The following ADGRL3 variants were observed in gnomAD, a reference collection of about 807,000 sequenced individuals.
The protein encoded by ADGRL3 is adhesion G protein-coupled receptor L3.
ADGRL3 carries 62 observed loss-of-function variants against 153.5 expected under a neutral mutation model. The observed-to-expected ratio is 0.40, with a 90% CI of 0.33 to 0.50. The LOEUF (loss-of-function observed/expected upper bound fraction) is 0.50. ADGRL3 is among the 20% of genes least tolerant of loss of function. ADGRL3 has a pLI of 0.47. For synonymous variants in ADGRL3, 710 were observed against 672.5 expected (o/e 1.06, Z -0.86); for missense variants, 1,641 against 1,859.4 (o/e 0.88, Z 2.16).
chr4:61,382,234 A>G (rs1055737158), intron 1 of ADGRL3, among the ~76,000 whole-genome samples: 2 of 151,492 alleles, frequency 1.3e-5, no homozygotes, highest in African/African-American at 4.8e-5. Context: ...ACTAACACTA[A>G]TAGCATAAAT....
intron 1 of ADGRL3, among the ~76,000 whole-genome samples, chr4:61,206,055 C>T (rs576206943): frequency 3.9e-4 from 59 of 152,216 alleles, no homozygotes; most frequent in African/African-American, 1.2e-3. Flanking sequence ...ATTAATTGAA[C>T]TTCTTTATTT....
At chr4:61,334,040 C>T (rs1408484112) in intron 1 of ADGRL3, among the ~76,000 whole-genome samples, 1 of 151,804 alleles carries the variant, frequency 6.6e-6, no homozygotes, top group Non-Finnish European at 1.5e-5. Context: ...CTTAGCCCCT[C>T]CAAATAGCTG....
chr4:61,301,978 G>A (rs895894828), intron 1 of ADGRL3, among the ~76,000 whole-genome samples: 2 of 152,268 alleles, frequency 1.3e-5, no homozygotes, highest in East Asian at 3.9e-4. Context: ...CTAGAAATCA[G>A]TTCGAAGGGA....
At chr4:61,774,378 AAAAG>A (rs1164628060) in intron 8 of ADGRL3, among the ~76,000 whole-genome samples, 5 of 151,474 alleles carry the variant, frequency 3.3e-5, no homozygotes, top group African/African-American at 7.3e-5. Context: ...AAAAGAAAGA[AAAAG>A]AAAAAATTCA....
In ADGRL3 at chr4:61,737,700, A is replaced by G. The variant is rs553685376; in HGVS notation, c.1399+4146A>G. Among the ~76,000 whole-genome samples the G allele has an allele frequency of 2.2e-3, 338 of 152,220 alleles. 1 individual carries two copies. The highest frequency in any genetic ancestry group is 7.7e-3 in the African/African-American group (319 of 41,526). On this transcript the variant is annotated intron_variant, in intron 8 of 26. Transcript: ENST00000683033. ...GGACCATTTTTATCCACATTTTCTA[A>G]ATGAAGGCCCTTTTAAAGCACTGCA...
intron 5 of ADGRL3, among the ~76,000 whole-genome samples, chr4:61,607,391 G>T (rs557246760): frequency 6.6e-6 from 1 of 152,308 alleles, no homozygotes; most frequent in South Asian, 2.1e-4. Flanking sequence ...GAGGTCAGGA[G>T]TTCAAGACCA....
intron 25 of ADGRL3, among the ~76,000 whole-genome samples, chr4:62,049,137 T>C (rs1395625263): frequency 6.6e-6 from 1 of 152,136 alleles, no homozygotes; most frequent in Non-Finnish European, 1.5e-5. Flanking sequence ...AGAATGAGGT[T>C]AGAGACTTCC....
rs144296196 is a variant in ADGRL3, at chr4:61,628,814, G to A, written c.473+41374G>A. ...TGCTTCAAAATACAGCTCAGGGAGA[G>A]CCCTGTATAAGAATCTTAGCATTAA... On this transcript the variant is annotated intron_variant, in intron 5 of 26. Coordinates refer to ENST00000683033, the MANE Select transcript of ADGRL3 (RefSeq NM_001387552.1). Among the ~76,000 whole-genome samples the A allele has an allele frequency of 7.3e-4, 111 of 152,256 alleles. 2 individuals are homozygous for A. The East Asian group carries it at 0.018, about 24-fold the overall frequency.
At chr4:61,424,524 G>GT (rs1366038044) in intron 2 of ADGRL3, among the ~76,000 whole-genome samples, 3 of 152,160 alleles carry the variant, frequency 2.0e-5, no homozygotes, top group Non-Finnish European at 4.4e-5. Context: ...CACCATCTCT[G>GT]TGGGGGGTCA....
chr4:61,329,781 G>A (rs2150943299), intron 1 of ADGRL3, among the ~76,000 whole-genome samples: 1 of 152,220 alleles, frequency 6.6e-6, no homozygotes, highest in Admixed American at 6.5e-5. Context: ...GTGGACATAT[G>A]GAGTGTTTAA....
chr4:61,379,191 G>C (rs2096638785), intron 1 of ADGRL3, among the ~76,000 whole-genome samples: 1 of 151,904 alleles, frequency 6.6e-6, no homozygotes, highest in African/African-American at 2.4e-5. Context: ...GAGACCTGAA[G>C]GGGGTAGTTG....
intron 9 of ADGRL3, among the ~76,000 whole-genome samples, chr4:61,878,944 C>G (rs1320315209): frequency 5.3e-5 from 8 of 152,098 alleles, no homozygotes; most frequent in African/African-American, 1.9e-4. Context: ...ATAGTTTGAT[C>G]TTCTTCATAT....
chr4:61,756,023 C>T (rs1482406547), intron 8 of ADGRL3, among the ~76,000 whole-genome samples: 1 of 152,050 alleles, frequency 6.6e-6, no homozygotes, highest in Non-Finnish European at 1.5e-5. Flanking sequence ...GTTACTGTAG[C>T]CTTGTAGTAT....
At chr4:61,431,252 A>G (rs1578818119) in intron 2 of ADGRL3, among the ~76,000 whole-genome samples, 1 of 152,326 alleles carries the variant, frequency 6.6e-6, no homozygotes. Flanking sequence ...AGGATCTTTA[A>G]GGTGCTTAAA....
rs530452899 is a variant in ADGRL3 at position 61,995,199 on chromosome 4, C to T, written c.3237-1092C>T. Reference sequence around the variant, plus strand: ...TATTACAGATGTGAGACACCACACCCAGCCCCCAACTTTTTTTTTTTAATC... The same window carrying T: ...TATTACAGATGTGAGACACCACACCTAGCCCCCAACTTTTTTTTTTTAATC... On this transcript the variant is annotated intron_variant, in intron 19 of 26. Coordinates refer to ENST00000683033, the MANE Select transcript of ADGRL3 (RefSeq NM_001387552.1). Among the ~76,000 whole-genome samples, 5 of 145,486 alleles carry T rather than the reference C, an allele frequency of 3.4e-5. No homozygotes were observed. In the East Asian group the frequency reaches 1.1e-3, roughly 31 times the overall value.
intron 2 of ADGRL3, among the ~76,000 whole-genome samples, chr4:61,419,148 G>A (rs1287503200): frequency 2.0e-5 from 3 of 150,586 alleles, no homozygotes; most frequent in Non-Finnish European, 4.4e-5. Context: ...TAATTAGTAG[G>A]TCTTTGGAAA....
chr4:61,271,231 A>G (rs890668277), intron 1 of ADGRL3, among the ~76,000 whole-genome samples: 5 of 152,012 alleles, frequency 3.3e-5, no homozygotes, highest in Middle Eastern at 3.4e-3. Flanking sequence ...ACAGTTGTAT[A>G]GCATTGAATG....
intron 8 of ADGRL3, among the ~76,000 whole-genome samples, chr4:61,753,370 A>T (rs2096781064): frequency 6.6e-6 from 1 of 152,242 alleles, no homozygotes; most frequent in African/African-American, 2.4e-5. Context: ...TGAGAATGGA[A>T]GTAGCCATTC....
chr4:62,077,750 G>T lies in ADGRL3; in HGVS notation c.*6842G>T, dbSNP rs1228806580. 1 of 151,816 alleles carries T rather than the reference G, an allele frequency of 6.6e-6. No individual in the cohort carries two copies. Among genetic ancestry groups the T allele is most frequent in the Non-Finnish European group, 1.5e-5 (1 of 67,834 alleles). The allele number at this position is 151,816 out of a possible 1,614,324, so 9.4% of individuals were successfully genotyped here. A position where few individuals can be genotyped will look rare whatever the true frequency, so the allele number is the denominator to read the frequency against. ...AAATGAGAAAAAAACATTTAAATTT[G>T]GTTTTCATGACTCATTTGAGAATAA... On this transcript the variant is annotated 3_prime_UTR_variant, in exon 27 of 27. Coordinates refer to ENST00000683033, the MANE Select transcript of ADGRL3 (RefSeq NM_001387552.1).
Sources: allele counts gnomAD v4.1 joint callset (sites outside exome capture counted in the v4.1 genomes callset), GRCh38; gene constraint gnomAD v4.1.1; transcripts MANE v1.5; gene names NCBI Gene and HGNC (gene_info 2026-07-23, HGNC 2026-07-21).